XKR9: variants seen among roughly 807,000 people sequenced by gnomAD.
The protein encoded by XKR9 is XK related 9.
XKR9 carries 32 observed loss-of-function variants against 32.0 expected under a neutral mutation model. That is an observed-to-expected ratio of 1.00 (90% confidence interval 0.76 to 1.34). The LOEUF (loss-of-function observed/expected upper bound fraction) is 1.34. Among genes scored for constraint, XKR9 ranks in the 40% most tolerant of loss-of-function variants. The pLI, the probability that XKR9 is intolerant of heterozygous loss-of-function variation, is 0.00. For missense variants in XKR9, 546 were observed against 429.7 expected (o/e 1.27, Z -2.39); for synonymous variants, 168 against 143.4 (o/e 1.17, Z -1.22).
At chr8:70,758,494 TC>T (rs1807261680) in intron 2 of XKR9, among the ~76,000 whole-genome samples, 1 of 152,228 alleles carries the variant, frequency 6.6e-6, no homozygotes, top group Non-Finnish European at 1.5e-5. Context: ...ATTCCCCAGT[TC>T]TTTCTTGCAA....
chr8:70,812,347 C>T, the XKR9 span, among the ~76,000 whole-genome samples: 1 of 152,146 alleles, frequency 6.6e-6, no homozygotes. Flanking sequence ...ACTGAATGGG[C>T]AAAAACTGGA....
At chr8:70,964,780 A>T in the XKR9 span, among the ~76,000 whole-genome samples, 1 of 152,002 alleles carries the variant, frequency 6.6e-6, no homozygotes. Context: ...GGATGGTAGC[A>T]ACTGTTGCAC....
At chr8:70,881,934 T>TA in the XKR9 span, among the ~76,000 whole-genome samples, 25 of 152,070 alleles carry the variant, frequency 1.6e-4, no homozygotes, top group African/African-American at 5.8e-4. Context: ...TATGCAGCCA[T>TA]AAAAAAGGAT....
chr8:71,006,274 T>G, the XKR9 span, among the ~76,000 whole-genome samples: 1 of 152,256 alleles, frequency 6.6e-6, no homozygotes, highest in Non-Finnish European at 1.5e-5. Context: ...CAAGACAGCT[T>G]TGAATGCGAC....
intron 2 of XKR9, among the ~76,000 whole-genome samples, chr8:70,758,705 G>A (rs1262636715): frequency 1.3e-5 from 2 of 152,184 alleles, no homozygotes; most frequent in Admixed American, 1.3e-4. Context: ...GCTCTTTTAA[G>A]TCAGTCTTGA....
the XKR9 span, among the ~76,000 whole-genome samples, chr8:70,900,600 G>GAATA: frequency 8.2e-4 from 107 of 131,174 alleles, 1 homozygote; most frequent in African/African-American, 1.6e-3. Flanking sequence ...AAAATTAAAT[G>GAATA]AATAAATAAA....
the XKR9 span, among the ~76,000 whole-genome samples, chr8:70,866,211 T>A: frequency 1.3e-5 from 2 of 152,232 alleles, no homozygotes; most frequent in Non-Finnish European, 2.9e-5. Flanking sequence ...TCAAAAGATC[T>A]AGGCACATGC....
At chr8:70,894,788 C>T in the XKR9 span, among the ~76,000 whole-genome samples, 4 of 152,062 alleles carry the variant, frequency 2.6e-5, no homozygotes, top group Admixed American at 6.5e-5. Flanking sequence ...GTAGGTGAAA[C>T]GACTCCACTT....
At chr8:70,833,906 A>G in the XKR9 span, among the ~76,000 whole-genome samples, 2 of 152,162 alleles carry the variant, frequency 1.3e-5, no homozygotes, top group African/African-American at 4.8e-5. Flanking sequence ...ACTTTCCTTT[A>G]TTGTAGGCAA....
At chr8:70,808,070 T>G in the XKR9 span, among the ~76,000 whole-genome samples, 13 of 152,156 alleles carry the variant, frequency 8.5e-5, no homozygotes, top group African/African-American at 3.1e-4. Context: ...CAACAGTCTC[T>G]TAAACCACAG....
At position 70,713,712 on chromosome 8, in the gene XKR9, C is replaced by T. The variant is rs186764086; in HGVS notation, c.493+6559C>T. 5.6e-3 allele frequency among the ~76,000 whole-genome samples: 850 copies of T among 152,014 alleles called. 4 individuals are homozygous for T. Among genetic ancestry groups the T allele is most frequent in the Non-Finnish European group, 9.0e-3 (610 of 67,956 alleles). ...TACAGGACAATGATAACATGTAAAT[C>T]AGATGGAGAATAAGTGGAGTTAAAA... On this transcript the variant is annotated intron_variant, in intron 4 of 4. Coordinates refer to ENST00000408926, the MANE Select transcript of XKR9 (RefSeq NM_001011720.2).
At chr8:70,739,001 C>G (rs1806914639), downstream of XKR9, among the ~76,000 whole-genome samples, 1 of 152,134 alleles carries the variant, frequency 6.6e-6, no homozygotes, top group Non-Finnish European at 1.5e-5. Context: ...TGGTGCAGAG[C>G]TGAGTTCAAT....
chr8:70,919,260 T>G, the XKR9 span, among the ~76,000 whole-genome samples: 1 of 152,216 alleles, frequency 6.6e-6, no homozygotes, highest in Non-Finnish European at 1.5e-5. Context: ...AATACTTTTT[T>G]CAGGGGGAAG....
chr8:70,790,951 A>G (rs1476343586), downstream of XKR9, among the ~76,000 whole-genome samples: 1 of 151,972 alleles, frequency 6.6e-6, no homozygotes, highest in Non-Finnish European at 1.5e-5. Flanking sequence ...CAAACAGCTC[A>G]CTCAGGCCTC....
chr8:70,926,597 G>T, the XKR9 span, among the ~76,000 whole-genome samples: 2 of 152,126 alleles, frequency 1.3e-5, no homozygotes, highest in African/African-American at 4.8e-5. Flanking sequence ...TTCAAAGAGG[G>T]CCCAGAGTGT....
the XKR9 span, among the ~76,000 whole-genome samples, chr8:70,987,704 C>G: frequency 1.1e-4 from 16 of 152,186 alleles, no homozygotes. Flanking sequence ...GATGGTGGCC[C>G]TTTTCTCACA....
At chr8:70,952,074 T>C in the XKR9 span, among the ~76,000 whole-genome samples, 1 of 151,680 alleles carries the variant, frequency 6.6e-6, no homozygotes. Flanking sequence ...CTTTCCTATA[T>C]GTTTTGAGAC....
At chr8:70,886,456 A>G in the XKR9 span, among the ~76,000 whole-genome samples, 1 of 152,212 alleles carries the variant, frequency 6.6e-6, no homozygotes, top group African/African-American at 2.4e-5. Flanking sequence ...ATCCTTGAGG[A>G]ATCACCACAT....
At chr8:70,696,893 C>A (rs1805299426) in intron 3 of XKR9, among the ~76,000 whole-genome samples, 1 of 149,024 alleles carries the variant, frequency 6.7e-6, no homozygotes, top group South Asian at 2.1e-4. Flanking sequence ...TGAAGAGGTC[C>A]TTCACATCCC....
Sources: allele counts gnomAD v4.1 joint callset (sites outside exome capture counted in the v4.1 genomes callset), GRCh38; gene constraint gnomAD v4.1.1; transcripts MANE v1.5; gene names NCBI Gene and HGNC (gene_info 2026-07-23, HGNC 2026-07-21).